The following C12orf42 variants were observed in gnomAD, a reference collection of about 807,000 sequenced individuals.
C12orf42 encodes uncharacterized protein C12orf42.
A neutral mutation model predicts 21.6 loss-of-function variants in C12orf42; 25 were observed. The observed-to-expected ratio is 1.16, with a 90% CI of 0.84 to 1.62. C12orf42 has a LOEUF of 1.62. Ranked by LOEUF, C12orf42 falls within the 40% of genes most tolerant of loss-of-function variation. The pLI is 0.00. For synonymous variants in C12orf42, 174 were observed against 175.0 expected (o/e 0.99, Z 0.05); for missense variants, 483 against 459.3 (o/e 1.05, Z -0.47).
chr12:103,255,112 C>T (rs2034495880), intron 10 of C12orf42, among the ~76,000 whole-genome samples: 1 of 152,064 alleles, frequency 6.6e-6, no homozygotes, highest in South Asian at 2.1e-4. Flanking sequence ...ATGGCTCACA[C>T]CTGTAATCCC....
the C12orf42 span, among the ~76,000 whole-genome samples, chr12:103,087,109 G>C: frequency 6.6e-6 from 1 of 151,658 alleles, no homozygotes; most frequent in Non-Finnish European, 1.5e-5. Flanking sequence ...TGTTTTTTTA[G>C]ATTCAGTAGG....
At chr12:103,232,042 A>G in the C12orf42 span, among the ~76,000 whole-genome samples, 1 of 152,016 alleles carries the variant, frequency 6.6e-6, no homozygotes, top group Non-Finnish European at 1.5e-5. Context: ...TTTTAATCTG[A>G]ATTTCTCTGA....
the C12orf42 span, among the ~76,000 whole-genome samples, chr12:103,072,861 T>C: frequency 6.4e-4 from 98 of 152,256 alleles, no homozygotes; most frequent in African/African-American, 2.2e-3. Context: ...TGTTCTGTTA[T>C]AAAAACACAT....
At chr12:103,226,943 A>G in the C12orf42 span, among the ~76,000 whole-genome samples, 1 of 152,178 alleles carries the variant, frequency 6.6e-6, no homozygotes, top group Admixed American at 6.6e-5. Context: ...CCTATTTTAC[A>G]ACAAGAATTA....
At chr12:103,508,347 G>A in the C12orf42 span, among the ~76,000 whole-genome samples, 1 of 152,136 alleles carries the variant, frequency 6.6e-6, no homozygotes, top group Non-Finnish European at 1.5e-5. Flanking sequence ...GAGATCCATA[G>A]AGAAATTATT....
At chr12:103,418,848 G>A (rs1280847409) in intron 2 of C12orf42, among the ~76,000 whole-genome samples, 1 of 113,984 alleles carries the variant, frequency 8.8e-6, no homozygotes, top group African/African-American at 3.7e-5. Flanking sequence ...TTTTTTTTTT[G>A]GTAGCCATAT....
At chr12:103,438,467 G>C (rs1201711362) in intron 2 of C12orf42, among the ~76,000 whole-genome samples, 1 of 151,912 alleles carries the variant, frequency 6.6e-6, no homozygotes, top group African/African-American at 2.4e-5. Flanking sequence ...AAGTCAAATT[G>C]TCCCTGTTTG....
chr12:103,498,230 A>G (rs1415136447), upstream of C12orf42, among the ~76,000 whole-genome samples: 1 of 152,234 alleles, frequency 6.6e-6, no homozygotes, highest in Non-Finnish European at 1.5e-5. Flanking sequence ...AGTACAGAGA[A>G]GGCATCAGGT....
the C12orf42 span, among the ~76,000 whole-genome samples, chr12:103,219,540 C>G: frequency 6.6e-6 from 1 of 152,050 alleles, no homozygotes; most frequent in African/African-American, 2.4e-5. Context: ...CCAGAATCTA[C>G]AAGGAACATA....
the C12orf42 span, among the ~76,000 whole-genome samples, chr12:103,048,544 G>A: frequency 6.6e-6 from 1 of 152,088 alleles, no homozygotes; most frequent in Non-Finnish European, 1.5e-5. Context: ...AATCTAGTAA[G>A]TCTGAGCAAA....
At chr12:103,244,736 G>T (rs1269021857) in intron 10 of C12orf42, among the ~76,000 whole-genome samples, 21 of 151,796 alleles carry the variant, frequency 1.4e-4, no homozygotes, top group Admixed American at 1.3e-3. Flanking sequence ...TGGATACAAT[G>T]TATTTTTTAC....
intron 4 of C12orf42, among the ~76,000 whole-genome samples, chr12:103,284,068 G>C (rs1292376067): frequency 1.3e-5 from 2 of 152,208 alleles, no homozygotes; most frequent in Admixed American, 6.5e-5. Context: ...TCAATAACTT[G>C]TGATAGAACT....
At chr12:103,560,184 A>G in the C12orf42 span, among the ~76,000 whole-genome samples, 2 of 152,244 alleles carry the variant, frequency 1.3e-5, no homozygotes, top group Non-Finnish European at 2.9e-5. Context: ...GGGAAACTAC[A>G]AGGTTGACTG....
chr12:103,075,710 C>A, the C12orf42 span, among the ~76,000 whole-genome samples: 3 of 152,110 alleles, frequency 2.0e-5, no homozygotes, highest in South Asian at 6.2e-4. Context: ...TTTTGACCAC[C>A]CAACCAGTCC....
the C12orf42 span, among the ~76,000 whole-genome samples, chr12:103,221,201 C>G: frequency 1.3e-5 from 2 of 152,224 alleles, no homozygotes; most frequent in African/African-American, 4.8e-5. Flanking sequence ...TGGAGTTTGA[C>G]ATGAACAACT....
At chr12:103,070,593 A>G in the C12orf42 span, among the ~76,000 whole-genome samples, 1 of 151,964 alleles carries the variant, frequency 6.6e-6, no homozygotes, top group African/African-American at 2.4e-5. Context: ...CCAAAAATAT[A>G]CTATCAAGGT....
intron 3 of C12orf42, among the ~76,000 whole-genome samples, chr12:103,395,876 C>T (rs547339780): frequency 2.0e-5 from 3 of 149,270 alleles, no homozygotes. Flanking sequence ...AATATATATA[C>T]ACTATATATA....
chr12:103,218,917 A>G, the C12orf42 span, among the ~76,000 whole-genome samples: 1 of 152,226 alleles, frequency 6.6e-6, no homozygotes. Flanking sequence ...CAATCTCTGA[A>G]CACGTAGAAG....
chr12:103,062,501 C>T, the C12orf42 span, among the ~76,000 whole-genome samples: 11 of 151,956 alleles, frequency 7.2e-5, no homozygotes, highest in South Asian at 1.2e-3. Flanking sequence ...GTTTAGAAGT[C>T]GTGTTAGTCT....
Sources: gnomAD v4.1 joint callset for allele counts (sites outside exome capture counted in the v4.1 genomes callset) on GRCh38, gnomAD v4.1.1 for gene constraint, MANE v1.5 for transcripts, NCBI Gene and HGNC (gene_info 2026-07-23, HGNC 2026-07-21) for gene names.